RNF125: variants seen among roughly 807,000 people sequenced by gnomAD.
RNF125 encodes the protein ring finger protein 125.
A neutral mutation model predicts 26.0 loss-of-function variants in RNF125; 21 were observed. The ratio of observed to expected loss-of-function variants is 0.81; its 90% confidence interval spans 0.57 to 1.16. The LOEUF is 1.16. RNF125 is among the 50% of genes most tolerant of loss of function. The pLI, the probability that RNF125 is intolerant of heterozygous loss-of-function variation, is 0.00. For synonymous variants in RNF125, 95 were observed against 109.2 expected (o/e 0.87, Z 0.81); for missense variants, 270 against 299.4 (o/e 0.90, Z 0.72).
downstream of RNF125, among the ~76,000 whole-genome samples, chr18:32,077,272 A>G (rs1293343789): frequency 6.6e-6 from 1 of 150,768 alleles, no homozygotes; most frequent in African/African-American, 2.4e-5. Flanking sequence ...ATAGTGCACT[A>G]TGATAGTGCC....
intron 1 of RNF125, among the ~76,000 whole-genome samples, chr18:32,023,234 C>A (rs1179527117): frequency 6.6e-6 from 1 of 152,180 alleles, no homozygotes; most frequent in Non-Finnish European, 1.5e-5. Flanking sequence ...CTCGCTGCAA[C>A]CTCTGCCTCC....
downstream of RNF125, among the ~76,000 whole-genome samples, chr18:32,074,762 C>T (rs1187283563): frequency 2.0e-5 from 3 of 152,060 alleles, no homozygotes; most frequent in Non-Finnish European, 2.9e-5. Context: ...AGGCTGGTCT[C>T]GAACTCCTGA....
At position 32,065,881 on chromosome 18, in the gene RNF125, C is replaced by T. The variant is rs769143928; in HGVS notation, c.505-21C>T. The T allele has an allele frequency of 1.8e-5, 27 of 1,506,048 alleles. No homozygotes were observed. The South Asian group carries it at 2.9e-4, about 16-fold the overall frequency. The allele number at this position is 1,506,048 out of a possible 1,614,324, so 93.3% of individuals were successfully genotyped here. A position where few individuals can be genotyped will look rare whatever the true frequency, so the allele number is the denominator to read the frequency against. Reference sequence around the variant, plus strand: ...ACGATTTTAAATTCTTTCTTGAACCCCTGGTCTTGTTTGTTTCCAGTTCTG... The same window carrying T: ...ACGATTTTAAATTCTTTCTTGAACCTCTGGTCTTGTTTGTTTCCAGTTCTG... On this transcript the variant is annotated intron_variant, in intron 4 of 5. Transcript: ENST00000217740.
At chr18:32,033,388 C>G (rs1383229125) in intron 1 of RNF125, among the ~76,000 whole-genome samples, 1 of 152,002 alleles carries the variant, frequency 6.6e-6, no homozygotes, top group Non-Finnish European at 1.5e-5. Flanking sequence ...ATTTGCCGAA[C>G]ATGGTGGCAC....
chr18:32,043,791 A>G (rs2039242146), intron 3 of RNF125, among the ~76,000 whole-genome samples: 1 of 152,188 alleles, frequency 6.6e-6, no homozygotes, highest in South Asian at 2.1e-4. Flanking sequence ...TAATATTTTG[A>G]TTTATGATAA....
At chr18:32,080,998 C>G in the RNF125 span, among the ~76,000 whole-genome samples, 1 of 152,012 alleles carries the variant, frequency 6.6e-6, no homozygotes, top group South Asian at 2.1e-4. Flanking sequence ...TAGCCTGACC[C>G]AACATGGTGA....
intron 4 of RNF125, among the ~76,000 whole-genome samples, chr18:32,057,168 A>G (rs770572021): frequency 2.6e-5 from 4 of 152,160 alleles, no homozygotes; most frequent in Non-Finnish European, 4.4e-5. Flanking sequence ...CAGCACTTAA[A>G]ATAGAACACA....
chr18:32,041,921 C>T (rs950328731), intron 2 of RNF125: 9 of 361,872 alleles, frequency 2.5e-5, no homozygotes, highest in East Asian at 1.4e-4. Flanking sequence ...TGAGCCACCG[C>T]GCCCGGCCGT....
chr18:32,046,752 A>G (rs557122533), intron 4 of RNF125, among the ~76,000 whole-genome samples: 2 of 152,158 alleles, frequency 1.3e-5, no homozygotes, highest in African/African-American at 2.4e-5. Flanking sequence ...ATTATTTCCT[A>G]TATTCATTGT....
Position 32,019,389 on chromosome 18 carries a change from AAAGGAAACGAGCTCCAGCTACAAGGC to A in RNF125, c.164+364_164+389del, listed in dbSNP as rs1201165260. 2.0e-4 allele frequency among the ~76,000 whole-genome samples: 30 copies of A among 152,226 alleles called. No individual in the cohort carries two copies. The South Asian group carries it at 5.6e-3, about 28-fold the overall frequency. ...AGAACCAGCGCTCGCCCAGGCACGGAAAGGAAACGAGCTCCAGCTACAAGGCAGGGGCTCCCGCAAAGCGCAGTTAC... is the reference window on the plus strand; with the variant it reads ...AGAACCAGCGCTCGCCCAGGCACGGAAGGGGCTCCCGCAAAGCGCAGTTAC... On this transcript the variant is annotated intron_variant, in intron 1 of 5. Transcript: ENST00000217740.
chr18:32,083,974 GAAAA>G, the RNF125 span, among the ~76,000 whole-genome samples: 15 of 152,114 alleles, frequency 9.9e-5, no homozygotes, highest in East Asian at 2.7e-3. Context: ...GAAAAGGTAA[GAAAA>G]AGAAAGGGAG....
At chr18:32,045,802 G>A in intron 4 of RNF125, 70 bp downstream of exon 4, 1 of 949,090 alleles carries the variant, frequency 1.1e-6, no homozygotes, top group East Asian at 2.5e-5. Context: ...CCATTTAATA[G>A]ATTTATATTT....
the RNF125 span, among the ~76,000 whole-genome samples, chr18:32,083,126 TCCATGTTCTAAA>T: frequency 1.2e-4 from 18 of 152,224 alleles, no homozygotes; most frequent in Non-Finnish European, 2.1e-4. Flanking sequence ...TTCCCCTTTT[TCCATGTTCTAAA>T]TGGAAGTTTT....
At chr18:32,019,691 A>C (rs2038967290) in intron 1 of RNF125, among the ~76,000 whole-genome samples, 1 of 151,474 alleles carries the variant, frequency 6.6e-6, no homozygotes, top group Non-Finnish European at 1.5e-5. Flanking sequence ...GAGTTTAACA[A>C]CCTGCTAGGG....
intron 1 of RNF125, among the ~76,000 whole-genome samples, chr18:32,020,038 G>GTGTT (rs1336677056): frequency 1.4e-5 from 2 of 147,880 alleles, no homozygotes; most frequent in African/African-American, 5.0e-5. Context: ...GTGTGTTTGA[G>GTGTT]AGAGAGAGAG....
At chr18:32,064,170 T>C (rs1343419081) in intron 4 of RNF125, among the ~76,000 whole-genome samples, 3 of 151,790 alleles carry the variant, frequency 2.0e-5, no homozygotes, top group Non-Finnish European at 2.9e-5. Context: ...AATTTTTTTG[T>C]CTTTTTAGTA....
intron 1 of RNF125, among the ~76,000 whole-genome samples, chr18:32,036,554 C>CAGAA (rs1429344303): frequency 1.5e-5 from 2 of 130,754 alleles, no homozygotes; most frequent in African/African-American, 6.0e-5. Context: ...ATTTCTTGAC[C>CAGAA]AGAAAGGAAG....
intron 4 of RNF125, among the ~76,000 whole-genome samples, chr18:32,062,531 T>C (rs1459057809): frequency 6.6e-6 from 1 of 152,164 alleles, no homozygotes; most frequent in African/African-American, 2.4e-5. Flanking sequence ...ATGTAAAAAT[T>C]AGCGAAGTTG....
chr18:32,076,699 T>C (rs2039573004), downstream of RNF125, among the ~76,000 whole-genome samples: 2 of 152,186 alleles, frequency 1.3e-5, no homozygotes, highest in East Asian at 1.9e-4. Context: ...CTCTCCAACT[T>C]CATCTCACTC....
Sources: allele counts gnomAD v4.1 joint callset (sites outside exome capture counted in the v4.1 genomes callset), GRCh38; gene constraint gnomAD v4.1.1; transcripts MANE v1.5; gene names NCBI Gene and HGNC (gene_info 2026-07-23, HGNC 2026-07-21).